The following DRC5 variants were observed in gnomAD, a reference collection of about 807,000 sequenced individuals.
DRC5 encodes the protein dynein regulatory complex subunit 5, also known as T-complex-associated testis-expressed protein 1.
chr6:44,280,087 C>T, the DRC5 span: 19 of 1,168,216 alleles, frequency 1.6e-5, no homozygotes, highest in African/African-American at 4.5e-5. Context: ...TCCCCCTCCC[C>T]GCTCCCTCTG....
chr6:44,283,864 C>T, the DRC5 span, among the ~76,000 whole-genome samples: 2 of 152,238 alleles, frequency 1.3e-5, no homozygotes, highest in African/African-American at 2.4e-5. Context: ...TGAGCCCCCT[C>T]TTTCAGCAGG....
the DRC5 span, among the ~76,000 whole-genome samples, chr6:44,281,004 A>G: frequency 2.0e-5 from 3 of 151,634 alleles, no homozygotes; most frequent in Admixed American, 2.0e-4. Context: ...TGCAGTCAAC[A>G]GCACCCCCTC....
chr6:44,281,195 A>G, the DRC5 span, among the ~76,000 whole-genome samples: 76 of 152,310 alleles, frequency 5.0e-4, no homozygotes, highest in African/African-American at 1.7e-3. Flanking sequence ...GCTAGCCCCA[A>G]TGTGAAAGAA....
the DRC5 span, chr6:44,287,822 G>A: frequency 1.2e-6 from 2 of 1,612,194 alleles, no homozygotes; most frequent in Middle Eastern, 1.7e-4. Flanking sequence ...ACGGTATCCT[G>A]CATGCTGGAG....
At chr6:44,282,799 C>CTTT in the DRC5 span, among the ~76,000 whole-genome samples, 369 of 105,186 alleles carry the variant, frequency 3.5e-3, no homozygotes, top group Middle Eastern at 6.7e-3. Context: ...CCTTTTTTAT[C>CTTT]TTTTTTTTTT....
At chr6:44,291,699 T>C in the DRC5 span, among the ~76,000 whole-genome samples, 1 of 152,194 alleles carries the variant, frequency 6.6e-6, no homozygotes, top group South Asian at 2.1e-4. Flanking sequence ...CTCTTCCAGG[T>C]GGGGTTTCCC....
chr6:44,292,888 T>C, the DRC5 span, among the ~76,000 whole-genome samples: 1 of 152,128 alleles, frequency 6.6e-6, no homozygotes, highest in Non-Finnish European at 1.5e-5. Flanking sequence ...CCATGCCTAG[T>C]TCTGGAGGCT....
At chr6:44,292,865 G>T in the DRC5 span, among the ~76,000 whole-genome samples, 1 of 152,154 alleles carries the variant, frequency 6.6e-6, no homozygotes, top group South Asian at 2.1e-4. Flanking sequence ...CAGCATCCTG[G>T]TATCTTCAAT....
the DRC5 span, among the ~76,000 whole-genome samples, chr6:44,296,628 T>C: frequency 7.0e-6 from 1 of 143,344 alleles, no homozygotes; most frequent in East Asian, 2.0e-4. Context: ...AACTGTCCCC[T>C]CCTCCCTTCC....
At chr6:44,286,915 C>T in the DRC5 span, among the ~76,000 whole-genome samples, 12 of 152,336 alleles carry the variant, frequency 7.9e-5, no homozygotes, top group Non-Finnish European at 1.5e-4. Context: ...GTGCCAGACA[C>T]TGGAGGTAGC....
At chr6:44,281,541 C>T in the DRC5 span, among the ~76,000 whole-genome samples, 1 of 152,174 alleles carries the variant, frequency 6.6e-6, no homozygotes, top group Non-Finnish European at 1.5e-5. Context: ...CATGCCACCA[C>T]ATTGGGCTGA....
At chr6:44,287,666 G>A in the DRC5 span, 10 of 1,614,270 alleles carry the variant, frequency 6.2e-6, no homozygotes, top group South Asian at 7.7e-5. Context: ...TTGGCCCTGG[G>A]ATGTGGGTTC....
chr6:44,286,673 AG>A, the DRC5 span: 11 of 713,970 alleles, frequency 1.5e-5, no homozygotes, highest in Admixed American at 1.4e-4. Flanking sequence ...CTCTGCTCTC[AG>A]GGGGGCTCAA....
chr6:44,286,190 C>T, the DRC5 span: 3 of 1,611,516 alleles, frequency 1.9e-6, no homozygotes, highest in Admixed American at 1.7e-5. Flanking sequence ...GTCGCCCGGC[C>T]GGAGCTGGGC....
chr6:44,293,504 G>A, the DRC5 span, among the ~76,000 whole-genome samples: 1 of 152,090 alleles, frequency 6.6e-6, no homozygotes, highest in African/African-American at 2.4e-5. Flanking sequence ...ATGGAGCTAG[G>A]ATGGGCTTTC....
chr6:44,286,577 G>GTCCCCCA, the DRC5 span: 1 of 1,523,944 alleles, frequency 6.6e-7, no homozygotes, highest in Non-Finnish European at 8.9e-7. Flanking sequence ...AGTGTTGGGG[G>GTCCCCCA]ACACCTCAAC....
the DRC5 span, among the ~76,000 whole-genome samples, chr6:44,280,957 C>T: frequency 9.2e-5 from 14 of 152,238 alleles, no homozygotes; most frequent in Non-Finnish European, 1.9e-4. Flanking sequence ...GAATATTCCT[C>T]CTGCTTAAGC....
the DRC5 span, chr6:44,286,172 T>C: frequency 6.2e-7 from 1 of 1,612,664 alleles, no homozygotes; most frequent in Non-Finnish European, 8.5e-7. Flanking sequence ...GCTGCCTGAG[T>C]CGGACTGGTC....
At chr6:44,287,958 G>A in the DRC5 span, 1 of 1,149,366 alleles carries the variant, frequency 8.7e-7, no homozygotes, top group Non-Finnish European at 1.2e-6. Flanking sequence ...TACTTTGGTG[G>A]GTCTTGGTGG....
Sources: gnomAD v4.1 joint callset for allele counts (sites outside exome capture counted in the v4.1 genomes callset) on GRCh38, gnomAD v4.1.1 for gene constraint, MANE v1.5 for transcripts, NCBI Gene and HGNC (gene_info 2026-07-23, HGNC 2026-07-21) for gene names.